Variants in PLXDC2 observed in about 807,000 individuals in gnomAD.
PLXDC2 encodes the protein plexin domain-containing protein 2.
Under a neutral mutation model 68.9 loss-of-function variants are expected in PLXDC2, and 40 were observed. That is an observed-to-expected ratio of 0.58 (90% CI 0.45 to 0.76). The LOEUF (loss-of-function observed/expected upper bound fraction) is 0.76. Ranked by LOEUF, PLXDC2 falls within the 30% of genes least tolerant of loss-of-function variation. PLXDC2 has a pLI of 0.00. For synonymous variants in PLXDC2, 243 were observed against 234.2 expected (o/e 1.04, Z -0.34); for missense variants, 644 against 661.9 (o/e 0.97, Z 0.30).
chr10:19,901,217 G>T (rs1838155067), intron 1 of PLXDC2, among the ~76,000 whole-genome samples: 1 of 151,964 alleles, frequency 6.6e-6, no homozygotes, highest in Non-Finnish European at 1.5e-5. Context: ...GGATCAAATG[G>T]TAGATCTACT....
Position 20,281,584 on chromosome 10 carries a change from T to C in PLXDC2, c.*1765T>C, listed in dbSNP as rs1158182333. The C allele has an allele frequency of 6.6e-6, 1 of 152,180 alleles. No homozygotes were observed. The highest frequency in any genetic ancestry group is 2.4e-5 in the African/African-American group (1 of 41,452). 9.4% of individuals were successfully genotyped at this position (152,180 alleles called of 1,614,324 possible). ...TGAACGAATGCCATTTTCTATTCCA[T>C]ATATTTTGCTTTACAATTTTAAGTA... On this transcript the variant is annotated 3_prime_UTR_variant, in exon 14 of 14. Transcript: ENST00000377252.
intron 2 of PLXDC2, among the ~76,000 whole-genome samples, chr10:20,016,683 C>T (rs1835218606): frequency 6.6e-6 from 1 of 152,160 alleles, no homozygotes; most frequent in South Asian, 2.1e-4. Flanking sequence ...TGGAAACCAC[C>T]CTTGTCTACT....
Position 19,816,925 on chromosome 10 carries a change from G to A in PLXDC2, c.-155G>A, listed in dbSNP as rs1360930496. The A allele has an allele frequency of 9.8e-6, 6 of 615,290 alleles. No homozygotes were observed. In the East Asian group the frequency reaches 1.6e-4, roughly 17 times the overall value. The allele number at this position is 615,290 out of a possible 1,614,324, so 38.1% of individuals were successfully genotyped here. On this transcript the variant is annotated 5_prime_UTR_variant, in exon 1 of 14. Transcript: ENST00000377252. ...TCGCGTTCGCTTCTTCCTCTTCTCG[G>A]TTCCCTACTGTGAAATCGCAGCGAC... is the stretch of plus-strand genomic sequence containing the variant.
chr10:19,895,417 AT>A (rs1206365059), intron 1 of PLXDC2, among the ~76,000 whole-genome samples: 1 of 152,272 alleles, frequency 6.6e-6, no homozygotes, highest in Non-Finnish European at 1.5e-5. Context: ...GTAGCCGTAT[AT>A]TTTTTTAAAG....
rs2119412211 is a variant in PLXDC2, at chr10:20,288,120, G to A, written c.*8301G>A. On this transcript the variant is annotated 3_prime_UTR_variant, in exon 14 of 14. Transcript: ENST00000377252. ...AGCTCACTGCGGCACTGCTACAAGAGGACACTGAGGAAAATCTGGCCCTAT... is the reference window on the plus strand; with the variant it reads ...AGCTCACTGCGGCACTGCTACAAGAAGACACTGAGGAAAATCTGGCCCTAT... The A allele has an allele frequency of 6.6e-6, 1 of 152,144 alleles. No individual in the cohort carries two copies. Among genetic ancestry groups the A allele is most frequent in the Non-Finnish European group, 1.5e-5 (1 of 68,042 alleles). 9.4% of individuals were successfully genotyped at this position (152,144 alleles called of 1,614,324 possible). A position where few individuals can be genotyped will look rare whatever the true frequency, so the allele number is the denominator to read the frequency against.
intron 2 of PLXDC2, among the ~76,000 whole-genome samples, chr10:20,038,251 A>T (rs11011756): frequency 3.1e-3 from 466 of 152,168 alleles, no homozygotes; most frequent in African/African-American, 0.011. Flanking sequence ...AATAAAAAAA[A>T]AAATTTAAAA....
intron 4 of PLXDC2, among the ~76,000 whole-genome samples, chr10:20,140,784 A>G (rs112926355): frequency 0.026 from 3,902 of 152,210 alleles, 69 homozygotes; most frequent in South Asian, 0.071. Flanking sequence ...TTTCAATATG[A>G]CCAAGAAAAA....
intron 9 of PLXDC2, among the ~76,000 whole-genome samples, chr10:20,210,416 T>C (rs939431704): frequency 2.0e-5 from 3 of 152,162 alleles, no homozygotes; most frequent in Admixed American, 2.0e-4. Context: ...ATGGTAGCAA[T>C]GCTTTATCAG....
intron 1 of PLXDC2, among the ~76,000 whole-genome samples, chr10:19,954,281 A>G (rs1442564984): frequency 6.6e-6 from 1 of 152,018 alleles, no homozygotes; most frequent in Non-Finnish European, 1.5e-5. Flanking sequence ...TTTGGTGTAT[A>G]TTAATCTTTT....
At chr10:19,905,293 A>G (rs1254080393) in intron 1 of PLXDC2, among the ~76,000 whole-genome samples, 1 of 152,266 alleles carries the variant, frequency 6.6e-6, no homozygotes, top group East Asian at 1.9e-4. Context: ...TAATTTAACT[A>G]GAGGCCAAAA....
intron 1 of PLXDC2, among the ~76,000 whole-genome samples, chr10:19,923,543 A>G (rs533218229): frequency 2.5e-4 from 38 of 152,334 alleles, no homozygotes; most frequent in African/African-American, 9.1e-4. Context: ...ATGGGCAGAA[A>G]AAATTGCTTT....
intron 9 of PLXDC2, among the ~76,000 whole-genome samples, chr10:20,179,909 T>C (rs1834578470): frequency 1.3e-5 from 2 of 152,108 alleles, no homozygotes; most frequent in Non-Finnish European, 2.9e-5. Flanking sequence ...CCTCCGTCTT[T>C]GTGACACCCA....
intron 1 of PLXDC2, among the ~76,000 whole-genome samples, chr10:19,851,496 A>G (rs745771489): frequency 2.6e-5 from 4 of 152,194 alleles, no homozygotes; most frequent in African/African-American, 4.8e-5. Context: ...TGACCAATCA[A>G]GAGAGCTGGG....
At chr10:19,921,530 A>G (rs1833461855) in intron 1 of PLXDC2, among the ~76,000 whole-genome samples, 1 of 152,226 alleles carries the variant, frequency 6.6e-6, no homozygotes, top group Admixed American at 6.5e-5. Context: ...CAGATGATTA[A>G]CTGACTTAGA....
At chr10:20,115,336 C>T (rs1244107525) in intron 4 of PLXDC2, among the ~76,000 whole-genome samples, 2 of 152,174 alleles carry the variant, frequency 1.3e-5, no homozygotes, top group African/African-American at 4.8e-5. Context: ...TGTGGGGCAC[C>T]TAAGCTGACC....
intron 1 of PLXDC2, among the ~76,000 whole-genome samples, chr10:19,846,244 T>G (rs534681772): frequency 1.9e-4 from 29 of 152,164 alleles, no homozygotes; most frequent in Admixed American, 1.8e-3. Context: ...AGGAAAGCTG[T>G]TTTTAGGGGA....
chr10:20,212,973 G>A (rs1378471000), intron 10 of PLXDC2, among the ~76,000 whole-genome samples: 2 of 152,072 alleles, frequency 1.3e-5, no homozygotes, highest in Admixed American at 1.3e-4. Context: ...TAATTCAGAT[G>A]TATATTTTTT....
At chr10:19,887,293 G>T (rs1443713167) in intron 1 of PLXDC2, among the ~76,000 whole-genome samples, 3 of 152,196 alleles carry the variant, frequency 2.0e-5, no homozygotes, top group Non-Finnish European at 4.4e-5. Flanking sequence ...GGCCGAGGCA[G>T]GTGGATCACT....
intron 1 of PLXDC2, among the ~76,000 whole-genome samples, chr10:19,831,698 C>T (rs537966260): frequency 7.2e-5 from 11 of 152,152 alleles, no homozygotes; most frequent in African/African-American, 1.9e-4. Flanking sequence ...GTTTTCTGTT[C>T]GTGCATTACT....
Sources: gnomAD v4.1 joint callset for allele counts (sites outside exome capture counted in the v4.1 genomes callset) on GRCh38, gnomAD v4.1.1 for gene constraint, MANE v1.5 for transcripts, NCBI Gene and HGNC (gene_info 2026-07-23, HGNC 2026-07-21) for gene names.